DHX9: variants seen among roughly 807,000 people sequenced by gnomAD.
DHX9 encodes the protein DExH-box helicase 9.
A neutral mutation model predicts 148.7 loss-of-function variants in DHX9; 27 were observed. That is an observed-to-expected ratio of 0.18 (90% CI 0.13 to 0.25). DHX9 has a LOEUF of 0.25. Ranked by LOEUF, DHX9 falls within the 10% of genes least tolerant of loss-of-function variation. DHX9 has a pLI of 1.00. For missense variants in DHX9, 796 were observed against 1,559.6 expected, an observed-to-expected ratio of 0.51 and a Z score of 8.25; for synonymous variants, 529 against 516.6, an observed-to-expected ratio of 1.02 and a Z score of -0.33.
Position 182,881,524 on chromosome 1 carries a change from G to A in DHX9, c.2791G>A (p.Gly931Ser). The A allele has an allele frequency of 6.2e-7, 1 of 1,611,316 alleles. No individual in the cohort carries two copies. Among genetic ancestry groups the A allele is most frequent in the Non-Finnish European group, 8.5e-7 (1 of 1,179,174 alleles). ...TCTCATGCCAATTTATTTTAGAATG[G>A]GTGGAGAAGAAGCAGAGATACGTTT... ...VFQAWDDARM[G>S]GEEAEIRFCE... Residue 931 changes from glycine (G) to serine (S), a missense_variant, in exon 24 of 28, where the codon GGT (glycine) becomes AGT (serine). By Grantham distance (56) the Gly-to-Ser change is moderately conservative. Transcript: ENST00000367549.
At position 182,872,453 on chromosome 1, in the gene DHX9, C is replaced by T; in HGVS notation, c.1674C>T (p.Cys558=). The T allele has an allele frequency of 6.2e-7, 1 of 1,613,896 alleles. No homozygotes were observed. Among genetic ancestry groups the T allele is most frequent in the Non-Finnish European group, 8.5e-7 (1 of 1,179,924 alleles). ...TSMFCEYFFN[C]PIIEVYGRTY... The stretch of plus-strand genomic sequence containing the variant: ...TGTTTTGTGAATATTTCTTCAATTG[C>T]CCCATCATTGAAGTTTATGGGAGGA... Residue 558 remains cysteine (C), a synonymous_variant, in exon 15 of 28, where the codon TGC becomes TGT. Coordinates refer to ENST00000367549, the MANE Select transcript of DHX9 (RefSeq NM_001357.5).
chr1:182,864,981 C>CT (rs895507289), intron 12 of DHX9, among the ~76,000 whole-genome samples: 2 of 152,124 alleles, frequency 1.3e-5, no homozygotes, highest in African/African-American at 2.4e-5. Context: ...AAAGCAATCT[C>CT]TGAGTACCAG....
rs1407142811 is a variant in DHX9, at chr1:182,882,844, G to A, written c.2915-295G>A. Among the ~76,000 whole-genome samples the A allele has an allele frequency of 4.8e-5, 7 of 146,404 alleles. No homozygotes were observed. In the South Asian group the frequency reaches 8.6e-4, roughly 18 times the overall value. ...GGCGCCACTGCACTCCAGCCTGGGC[G>A]ACAGAGCGAGACTCGTCTCAAAAAA... On this transcript the variant is annotated intron_variant, in intron 24 of 27. Transcript: ENST00000367549.
At chr1:182,882,363 G>A (rs1649122450) in intron 24 of DHX9, among the ~76,000 whole-genome samples, 3 of 152,196 alleles carry the variant, frequency 2.0e-5, no homozygotes, top group Admixed American at 6.5e-5. Flanking sequence ...TGCTTTCAGC[G>A]GTTGACTGTC....
At chr1:182,846,736 C>A (rs1668037067) in intron 3 of DHX9, among the ~76,000 whole-genome samples, 1 of 152,124 alleles carries the variant, frequency 6.6e-6, no homozygotes, top group South Asian at 2.1e-4. Flanking sequence ...CTAACTTGTT[C>A]AAGGTTTGCT....
chr1:182,870,039 C>T (rs13375165), intron 14 of DHX9, among the ~76,000 whole-genome samples: 12,034 of 152,030 alleles, frequency 0.079, 632 homozygotes, highest in South Asian at 0.14. Flanking sequence ...GGTAATATAC[C>T]GAAGGCAGTT....
At chr1:182,879,965 C>G (rs906784831) in intron 21 of DHX9, among the ~76,000 whole-genome samples, 2 of 152,128 alleles carry the variant, frequency 1.3e-5, no homozygotes, top group Non-Finnish European at 2.9e-5. Flanking sequence ...CTCAAGTGAT[C>G]CACTCACCTC....
Position 182,880,546 on chromosome 1 carries a change from C to A in DHX9, c.2562C>A (p.Ile854=). The change falls in exon 22 of 28, where the codon ATC becomes ATA. Residue 854 remains isoleucine, a synonymous_variant. Coordinates refer to ENST00000367549, the MANE Select transcript of DHX9 (RefSeq NM_001357.5). ...ATGAGTTGACTCCTTTGGGACGAATCCTGGCTAAACTCCCCATTGAGCCTC... is the reference window on the plus strand; with the variant it reads ...ATGAGTTGACTCCTTTGGGACGAATACTGGCTAAACTCCCCATTGAGCCTC... ...ANDELTPLGR[I]LAKLPIEPRF... 1 of 1,613,950 alleles carries A rather than the reference C, an allele frequency of 6.2e-7. No homozygotes were observed. The highest frequency in any genetic ancestry group is 8.5e-7 in the Non-Finnish European group (1 of 1,179,876).
rs777935940 is a variant in DHX9, at chr1:182,883,120, A to C, written c.2915-19A>C. ...AGCCAGTTATCTGATTTTTGTTTTC[A>C]CTGTGCTCCTCTTAACAGATTGTTT... On this transcript the variant is annotated intron_variant, in intron 24 of 27. Coordinates refer to ENST00000367549, the MANE Select transcript of DHX9 (RefSeq NM_001357.5). 2 of 1,582,736 alleles carry C rather than the reference A, an allele frequency of 1.3e-6. No individual in the cohort carries two copies. The highest frequency in any genetic ancestry group is 1.7e-6 in the Non-Finnish European group (2 of 1,152,230).
At chr1:182,846,980 T>C (rs572552136) in intron 3 of DHX9, among the ~76,000 whole-genome samples, 1 of 152,300 alleles carries the variant, frequency 6.6e-6, no homozygotes, top group Admixed American at 6.5e-5. Context: ...TAGTTTTTTC[T>C]GTCCCTTCCA....
intron 4 of DHX9, 22 bp downstream of exon 4, chr1:182,852,366 A>G (rs1202744837): frequency 6.6e-7 from 1 of 1,520,368 alleles, no homozygotes; most frequent in Non-Finnish European, 9.0e-7. Context: ...GAATCCATGC[A>G]CGTGGTGGAG....
At chr1:182,853,200 CA>C in intron 4 of DHX9, 105 bp from the exon 5 acceptor site, 2 of 776,310 alleles carry the variant, frequency 2.6e-6, no homozygotes, top group South Asian at 3.5e-5. Context: ...GCTGGGATTA[CA>C]GATGTGAGCC....
At chr1:182,881,949 A>C (rs1182362359) in intron 24 of DHX9, among the ~76,000 whole-genome samples, 1 of 152,230 alleles carries the variant, frequency 6.6e-6, no homozygotes, top group East Asian at 1.9e-4. Context: ...ACTTTATGAC[A>C]TCTAACATAG....
intron 4 of DHX9, 81 bp from the exon 5 acceptor site, chr1:182,853,225 A>T (rs1304759872): frequency 2.9e-6 from 3 of 1,016,994 alleles, no homozygotes; most frequent in Non-Finnish European, 4.4e-6. Flanking sequence ...ATGCCCGGCC[A>T]TAAATTAGGA....
Position 182,881,286 on chromosome 1 carries a change from A to G in DHX9, c.2647A>G (p.Ile883Val). The G allele has an allele frequency of 1.2e-6, 2 of 1,613,952 alleles. No individual in the cohort carries two copies. Among genetic ancestry groups the G allele is most frequent in the Non-Finnish European group, 1.7e-6 (2 of 1,179,954 alleles). ...IFYVGDAICT[I>V]AAATCFPEPF... ...CAGCGTGGGAGATGCTATCTGTACC[A>G]TTGCTGCTGCTACCTGCTTTCCAGA... The change falls in exon 23 of 28, where the codon ATT becomes GTT. Residue 883 changes from isoleucine to valine, a missense_variant. Coordinates refer to ENST00000367549, the MANE Select transcript of DHX9 (RefSeq NM_001357.5).
chr1:182,884,308 CTTTGT>C (rs1649223165), intron 26 of DHX9, among the ~76,000 whole-genome samples: 1 of 151,916 alleles, frequency 6.6e-6, no homozygotes, highest in Non-Finnish European at 1.5e-5. Context: ...TATTGCTGGA[CTTTGT>C]TTTTTGTTTA....
chr1:182,839,881 G>A (rs1417368273), intron 1 of DHX9: 1 of 152,334 alleles, frequency 6.6e-6, no homozygotes, highest in Non-Finnish European at 1.5e-5. Context: ...CTTGTGGGTA[G>A]AGGAAAAAAA....
At chr1:182,845,720 T>C (rs1173583243) in intron 3 of DHX9, among the ~76,000 whole-genome samples, 4 of 152,354 alleles carry the variant, frequency 2.6e-5, no homozygotes, top group South Asian at 2.1e-4. Context: ...CTTCAAGTTA[T>C]GGTTTTCATG....
At chr1:182,878,318 A>G (rs1376396442) in intron 20 of DHX9, 145 bp downstream of exon 20, 1 of 896,822 alleles carries the variant, frequency 1.1e-6, no homozygotes, top group Admixed American at 3.0e-5. Context: ...TTTCGTAAGA[A>G]TCTTCATCAC....
Sources: allele counts gnomAD v4.1 joint callset (sites outside exome capture counted in the v4.1 genomes callset), GRCh38; gene constraint gnomAD v4.1.1; transcripts MANE v1.5; gene names NCBI Gene and HGNC (gene_info 2026-07-23, HGNC 2026-07-21).